Variants in EXOC4 observed in about 807,000 individuals in gnomAD.
EXOC4 encodes exocyst complex component 4, also known as SEC8-like 1.
A neutral mutation model predicts 107.2 loss-of-function variants in EXOC4; 71 were observed. The observed-to-expected ratio is 0.66, with a 90% confidence interval of 0.55 to 0.81. The LOEUF is 0.81. EXOC4 is among the 30% of genes least tolerant of loss of function. The pLI is 0.00. For synonymous variants in EXOC4, 456 were observed against 441.2 expected, an observed-to-expected ratio of 1.03 and a Z score of -0.42; for missense variants, 1,108 against 1,189.6, an observed-to-expected ratio of 0.93 and a Z score of 1.01.
chr7:133,669,246 T>C (rs1010495327), intron 10 of EXOC4, among the ~76,000 whole-genome samples: 7 of 151,444 alleles, frequency 4.6e-5, no homozygotes, highest in Non-Finnish European at 8.8e-5. Context: ...TTTACAGTGG[T>C]GAGAGGAGGA....
At chr7:133,877,064 T>C (rs985485301) in intron 11 of EXOC4, among the ~76,000 whole-genome samples, 2 of 152,126 alleles carry the variant, frequency 1.3e-5, no homozygotes, top group African/African-American at 4.8e-5. Context: ...TGATATTGTT[T>C]CGCAGTTCGC....
chr7:133,998,213 T>C (rs1252673173), intron 15 of EXOC4, among the ~76,000 whole-genome samples: 1 of 152,156 alleles, frequency 6.6e-6, no homozygotes, highest in African/African-American at 2.4e-5. Flanking sequence ...ATGGAAGTGA[T>C]TGAGGTATTC....
intron 17 of EXOC4, among the ~76,000 whole-genome samples, chr7:134,023,316 A>G (rs1343691559): frequency 6.6e-6 from 1 of 152,148 alleles, no homozygotes; most frequent in Non-Finnish European, 1.5e-5. Flanking sequence ...GATTAAAAAT[A>G]CCCCTCATGT....
intron 14 of EXOC4, among the ~76,000 whole-genome samples, chr7:133,961,969 A>G (rs764038478): frequency 1.9e-3 from 294 of 152,348 alleles, no homozygotes; most frequent in Non-Finnish European, 3.5e-3. Flanking sequence ...CTCATTTCTC[A>G]GAGGAGGAAA....
At chr7:133,787,982 T>C (rs1585145658) in intron 10 of EXOC4, among the ~76,000 whole-genome samples, 1 of 86,990 alleles carries the variant, frequency 1.1e-5, no homozygotes, top group East Asian at 3.7e-4. Flanking sequence ...TATATATATA[T>C]ATATATATAT....
intron 9 of EXOC4, among the ~76,000 whole-genome samples, chr7:133,533,748 A>G (rs1448189110): frequency 6.6e-6 from 1 of 152,066 alleles, no homozygotes; most frequent in Non-Finnish European, 1.5e-5. Context: ...GTTTTATAGA[A>G]ACTATAGTAT....
chr7:133,344,151 G>C (rs1271730027), intron 5 of EXOC4, among the ~76,000 whole-genome samples: 1 of 151,080 alleles, frequency 6.6e-6, no homozygotes, highest in Non-Finnish European at 1.5e-5. Flanking sequence ...CTTTTCTGAG[G>C]GTCATCATTT....
intron 5 of EXOC4, among the ~76,000 whole-genome samples, chr7:133,347,463 C>T (rs967073364): frequency 1.4e-4 from 21 of 151,518 alleles, no homozygotes; most frequent in South Asian, 8.3e-4. Context: ...AGGATGGTCT[C>T]GATCTCTTGA....
At chr7:133,410,562 T>C (rs187379879) in intron 7 of EXOC4, among the ~76,000 whole-genome samples, 1 of 152,314 alleles carries the variant, frequency 6.6e-6, no homozygotes, top group African/African-American at 2.4e-5. Flanking sequence ...TTAGGTCTAT[T>C]TTGATTGAAA....
chr7:134,030,879 C>T (rs1339071800), intron 17 of EXOC4, among the ~76,000 whole-genome samples: 1 of 151,960 alleles, frequency 6.6e-6, no homozygotes, highest in Non-Finnish European at 1.5e-5. Context: ...TTTGCAAAAC[C>T]TCCTGGCCTT....
the EXOC4 span, among the ~76,000 whole-genome samples, chr7:134,087,353 G>C: frequency 6.6e-6 from 1 of 152,152 alleles, no homozygotes; most frequent in African/African-American, 2.4e-5. Context: ...CAGTCAGAAA[G>C]CATTGGTACG....
chr7:133,993,174 G>A (rs769063571), intron 14 of EXOC4, among the ~76,000 whole-genome samples: 1 of 152,006 alleles, frequency 6.6e-6, no homozygotes, highest in Non-Finnish European at 1.5e-5. Flanking sequence ...AAGGATTTTT[G>A]CATTTATATT....
intron 9 of EXOC4, among the ~76,000 whole-genome samples, chr7:133,614,431 T>C (rs1802141831): frequency 6.6e-6 from 1 of 152,050 alleles, no homozygotes. Context: ...CTTTTAATTG[T>C]GCAATACTCC....
intron 11 of EXOC4, among the ~76,000 whole-genome samples, chr7:133,829,158 G>T (rs551344114): frequency 1.3e-5 from 2 of 152,200 alleles, no homozygotes; most frequent in African/African-American, 4.8e-5. Flanking sequence ...TGACCATCGC[G>T]TGTTCTTGAG....
At chr7:133,429,406 T>C (rs1289165865) in intron 7 of EXOC4, among the ~76,000 whole-genome samples, 3 of 152,224 alleles carry the variant, frequency 2.0e-5, no homozygotes, top group Non-Finnish European at 2.9e-5. Context: ...CTAAATTTTT[T>C]CCATAATTTT....
At chr7:134,071,572 T>G (rs1215310503), downstream of EXOC4, among the ~76,000 whole-genome samples, 2 of 152,208 alleles carry the variant, frequency 1.3e-5, no homozygotes, top group African/African-American at 4.8e-5. Context: ...TCTTTTTCTT[T>G]GTTCAGGTCA....
chr7:133,300,840 A>G (rs750046019), intron 3 of EXOC4, among the ~76,000 whole-genome samples: 1 of 152,210 alleles, frequency 6.6e-6, no homozygotes, highest in South Asian at 2.1e-4. Context: ...TAACTTGTAA[A>G]AACAGTATTT....
At chr7:134,047,677 G>A (rs117995473) in intron 17 of EXOC4, among the ~76,000 whole-genome samples, 757 of 151,040 alleles carry the variant, frequency 5.0e-3, no homozygotes, top group Middle Eastern at 0.01. Context: ...AGTTTGAGTC[G>A]TGTCCATCAC....
chr7:133,780,685 C>T (rs1157621505), intron 10 of EXOC4, among the ~76,000 whole-genome samples: 2 of 152,120 alleles, frequency 1.3e-5, no homozygotes, highest in Non-Finnish European at 2.9e-5. Context: ...TTCAGGTTGG[C>T]CTGTCATGCT....
Sources: gnomAD v4.1 joint callset for allele counts (sites outside exome capture counted in the v4.1 genomes callset) on GRCh38, gnomAD v4.1.1 for gene constraint, MANE v1.5 for transcripts, NCBI Gene and HGNC (gene_info 2026-07-23, HGNC 2026-07-21) for gene names.